CNTLN: variants seen among roughly 807,000 people sequenced by gnomAD.
The protein encoded by CNTLN is centlein, also known as centlein, centrosomal protein.
CNTLN carries 212 observed loss-of-function variants against 180.0 expected under a neutral mutation model. The ratio of observed to expected loss-of-function variants is 1.18; its 90% confidence interval spans 1.05 to 1.32. CNTLN has a LOEUF of 1.32. Among genes scored for constraint, CNTLN ranks in the 40% most tolerant of loss-of-function variants. The probability of loss-of-function intolerance (pLI) is 0.00; values close to 1 mark genes in which losing one functional copy is unlikely to be tolerated. For synonymous variants in CNTLN, 722 were observed against 563.1 expected (o/e 1.28, Z -3.99); for missense variants, 2,095 against 1,610.9 (o/e 1.30, Z -5.14).
At chr9:17,419,847 A>G (rs1435283512) in intron 18 of CNTLN, among the ~76,000 whole-genome samples, 1 of 152,200 alleles carries the variant, frequency 6.6e-6, no homozygotes. Flanking sequence ...TTTTCCAATA[A>G]TTTAAAAAAT....
At chr9:17,268,009 G>C (rs1037739919) in intron 5 of CNTLN, among the ~76,000 whole-genome samples, 1 of 151,868 alleles carries the variant, frequency 6.6e-6, no homozygotes, top group Non-Finnish European at 1.5e-5. Flanking sequence ...GGAGTAGTTT[G>C]ACTGTTTGAA....
chr9:17,184,767 A>G (rs1414244613), intron 2 of CNTLN, among the ~76,000 whole-genome samples: 1 of 152,200 alleles, frequency 6.6e-6, no homozygotes, highest in African/African-American at 2.4e-5. Context: ...ATATTCAGAA[A>G]ATTAACCCCT....
At chr9:17,170,295 T>C (rs1820341836) in intron 2 of CNTLN, among the ~76,000 whole-genome samples, 1 of 152,042 alleles carries the variant, frequency 6.6e-6, no homozygotes, top group South Asian at 2.1e-4. Flanking sequence ...TTGGAAGGAG[T>C]CTTTAATTTT....
chr9:17,274,503 A>G (rs924867175), intron 6 of CNTLN, among the ~76,000 whole-genome samples: 1 of 135,258 alleles, frequency 7.4e-6, no homozygotes, highest in African/African-American at 2.9e-5. Context: ...CTATCTATCT[A>G]TGTATCTTTC....
At chr9:17,410,481 A>T (rs4961560) in intron 16 of CNTLN, among the ~76,000 whole-genome samples, 4,269 of 152,118 alleles carry the variant, frequency 0.028, 219 homozygotes, top group East Asian at 0.25. Flanking sequence ...TTCCTACTCC[A>T]TGGTGTGCCT....
chr9:17,380,803 A>T (rs907364394), intron 13 of CNTLN, among the ~76,000 whole-genome samples: 5 of 152,322 alleles, frequency 3.3e-5, no homozygotes, highest in African/African-American at 1.2e-4. Flanking sequence ...GCAAGCATTT[A>T]TTTATTGCAT....
intron 2 of CNTLN, among the ~76,000 whole-genome samples, chr9:17,196,989 C>T (rs184003369): frequency 6.6e-5 from 10 of 152,254 alleles, no homozygotes; most frequent in East Asian, 1.9e-4. Flanking sequence ...TAACCCCCTC[C>T]GTTCCACTAC....
intron 5 of CNTLN, among the ~76,000 whole-genome samples, chr9:17,262,129 A>G (rs908733507): frequency 3.3e-5 from 5 of 151,540 alleles, no homozygotes; most frequent in Admixed American, 3.3e-4. Flanking sequence ...TGATGGTGGG[A>G]GTGCAAATTA....
intron 8 of CNTLN, among the ~76,000 whole-genome samples, chr9:17,315,109 C>G (rs911987895): frequency 6.6e-6 from 1 of 152,010 alleles, no homozygotes; most frequent in South Asian, 2.1e-4. Context: ...TTCTGTATTT[C>G]CCACTAGGAT....
intron 12 of CNTLN, among the ~76,000 whole-genome samples, chr9:17,354,038 C>T (rs543218494): frequency 6.6e-6 from 1 of 152,354 alleles, no homozygotes; most frequent in African/African-American, 2.4e-5. Flanking sequence ...AGCAGCCGAC[C>T]AGCCCTGCCG....
chr9:17,311,986 T>C (rs1053120554), intron 8 of CNTLN, among the ~76,000 whole-genome samples: 2 of 136,738 alleles, frequency 1.5e-5, no homozygotes, highest in African/African-American at 5.3e-5. Flanking sequence ...AGTATAATAA[T>C]TGACAAAATA....
chr9:17,528,265 C>T, the CNTLN span, among the ~76,000 whole-genome samples: 1 of 152,134 alleles, frequency 6.6e-6, no homozygotes, highest in Admixed American at 6.5e-5. Context: ...CTACCTCAGC[C>T]AGCTGATCAA....
chr9:17,270,910 G>C (rs1410755690), intron 5 of CNTLN, among the ~76,000 whole-genome samples: 1 of 144,470 alleles, frequency 6.9e-6, no homozygotes, highest in South Asian at 2.2e-4. Context: ...CCTTAATTTT[G>C]TATTAATATC....
intron 2 of CNTLN, among the ~76,000 whole-genome samples, chr9:17,165,969 G>A (rs1408326614): frequency 2.0e-5 from 3 of 152,208 alleles, no homozygotes; most frequent in Non-Finnish European, 4.4e-5. Flanking sequence ...CCTAGGTCAA[G>A]TAAAACTATC....
At chr9:17,374,640 G>A (rs1024837217) in intron 13 of CNTLN, among the ~76,000 whole-genome samples, 2 of 151,944 alleles carry the variant, frequency 1.3e-5, no homozygotes, top group Non-Finnish European at 2.9e-5. Context: ...TGGGTGGATC[G>A]CTTGAGGTCA....
At chr9:17,493,151 T>C (rs1362500674) in intron 25 of CNTLN, among the ~76,000 whole-genome samples, 1 of 152,012 alleles carries the variant, frequency 6.6e-6, no homozygotes, top group Admixed American at 6.6e-5. Flanking sequence ...GAGATAGAGG[T>C]GGTGATGGTT....
Position 17,212,609 on chromosome 9 carries a change from G to A in CNTLN, c.450-13594G>A, listed in dbSNP as rs564138112. Among the ~76,000 whole-genome samples the A allele has an allele frequency of 4.6e-5, 7 of 152,266 alleles. No homozygotes were observed. The East Asian group carries it at 1.4e-3, about 29-fold the overall frequency. On this transcript the variant is annotated intron_variant, in intron 2 of 25. Transcript: ENST00000380647. ...AGGATTCCCTCTTTTTCTACTCATT[G>A]GAATAGTTTCAGAAGGAATGGTACC...
chr9:17,160,137 A>G (rs796751030), intron 2 of CNTLN, among the ~76,000 whole-genome samples: 6 of 152,300 alleles, frequency 3.9e-5, no homozygotes, highest in African/African-American at 1.4e-4. Flanking sequence ...ATTCCTGGCC[A>G]TCATATTGTT....
chr9:17,274,138 C>T (rs1159493450), intron 6 of CNTLN, among the ~76,000 whole-genome samples: 3 of 151,980 alleles, frequency 2.0e-5, no homozygotes, highest in African/African-American at 7.2e-5. Flanking sequence ...TCATTGTTTT[C>T]TTCTAACATT....
Sources: allele counts gnomAD v4.1 joint callset (sites outside exome capture counted in the v4.1 genomes callset), GRCh38; gene constraint gnomAD v4.1.1; transcripts MANE v1.5; gene names NCBI Gene and HGNC (gene_info 2026-07-23, HGNC 2026-07-21).